Variants in CDH4 observed in about 807,000 individuals in gnomAD.
CDH4 encodes cadherin 4.
CDH4 carries 33 observed loss-of-function variants against 86.0 expected under a neutral mutation model. That is an observed-to-expected ratio of 0.38 (90% CI 0.29 to 0.51). The LOEUF is 0.51. CDH4 is among the 20% of genes least tolerant of loss of function. The probability of loss-of-function intolerance (pLI) is 0.86; values close to 1 mark genes in which losing one functional copy is unlikely to be tolerated. For missense variants in CDH4, 1,114 were observed against 1,307.4 expected, an observed-to-expected ratio of 0.85 and a Z score of 2.28; for synonymous variants, 555 against 549.4, an observed-to-expected ratio of 1.01 and a Z score of -0.14.
intron 7 of CDH4, among the ~76,000 whole-genome samples, chr20:61,880,566 C>T (rs1042411465): frequency 1.1e-4 from 16 of 152,182 alleles, no homozygotes; most frequent in African/African-American, 3.9e-4. Context: ...CACCTCCCTC[C>T]GAAACAGAGG....
At chr20:61,628,946 C>G (rs989291643) in intron 2 of CDH4, among the ~76,000 whole-genome samples, 23 of 152,352 alleles carry the variant, frequency 1.5e-4, no homozygotes, top group African/African-American at 5.1e-4. Context: ...CCTGGCCGTG[C>G]GCTGCATACA....
chr20:61,252,492 C>T lies in CDH4; in HGVS notation c.-22C>T. 1 of 1,149,916 alleles carries T rather than the reference C, an allele frequency of 8.7e-7. No homozygotes were observed. Among genetic ancestry groups the T allele is most frequent in the Non-Finnish European group, 1.1e-6 (1 of 935,882 alleles). The allele number at this position is 1,149,916 out of a possible 1,614,324, so 71.2% of individuals were successfully genotyped here. ...CAGGGAGCGGGCTCCCGGTGCCGGG[C>T]ACCGGGCGGGCGGCGGGGAAGATGA... On this transcript the variant is annotated 5_prime_UTR_variant, in exon 1 of 16. Transcript: ENST00000614565. The surrounding 1 kb of genome is among the most constrained non-coding windows in gnomAD (Gnocchi z 4.4).
At chr20:61,452,270 T>C (rs1416875361) in intron 2 of CDH4, among the ~76,000 whole-genome samples, 1 of 152,220 alleles carries the variant, frequency 6.6e-6, no homozygotes, top group East Asian at 1.9e-4. Context: ...CAGAAAATTA[T>C]ATGAGATGAT....
intron 2 of CDH4, among the ~76,000 whole-genome samples, chr20:61,296,642 T>C (rs1018271182): frequency 6.6e-6 from 1 of 152,146 alleles, no homozygotes; most frequent in Admixed American, 6.5e-5. Flanking sequence ...TTTTTTTCCA[T>C]TCTGTTCGAT....
intron 2 of CDH4, among the ~76,000 whole-genome samples, chr20:61,700,768 T>G (rs976215915): frequency 2.6e-5 from 4 of 152,212 alleles, no homozygotes; most frequent in African/African-American, 4.8e-5. Context: ...GTCTTCTTCA[T>G]GTCTGTCTTC....
intron 4 of CDH4, among the ~76,000 whole-genome samples, chr20:61,802,679 G>A (rs886448857): frequency 2.0e-5 from 3 of 152,254 alleles, no homozygotes; most frequent in Admixed American, 6.5e-5. Flanking sequence ...ATGGAGAAAA[G>A]GCAGAGCGCA....
intron 2 of CDH4, among the ~76,000 whole-genome samples, chr20:61,354,993 A>T (rs2084739716): frequency 6.6e-6 from 1 of 152,180 alleles, no homozygotes. Context: ...CCATTTTCCC[A>T]TAAAGAAAAG....
At chr20:61,599,844 C>T in intron 2 of CDH4, 1 of 985,634 alleles carries the variant, frequency 1.0e-6, no homozygotes, top group Non-Finnish European at 1.2e-6. Flanking sequence ...CTGAAGCCCG[C>T]TTCCCTTCGC....
Position 61,393,873 on chromosome 20 carries a change from G to T in CDH4, c.169+138936G>T, listed in dbSNP as rs2085000698. On this transcript the variant is annotated intron_variant, in intron 2 of 15. Coordinates refer to ENST00000614565, the MANE Select transcript of CDH4 (RefSeq NM_001794.5). The surrounding 1 kb of genome is among the most constrained non-coding windows in gnomAD (Gnocchi z 4.3). Reference sequence around the variant, plus strand: ...ATGGGCTTCTCCTCTTCTGTAAAATGGGTCTGTAACGCCCCTGGAAAAGAG... The same window carrying T: ...ATGGGCTTCTCCTCTTCTGTAAAATTGGTCTGTAACGCCCCTGGAAAAGAG... Among the ~76,000 whole-genome samples, 1 of 151,734 alleles carries T rather than the reference G, an allele frequency of 6.6e-6. No homozygotes were observed. Among genetic ancestry groups the T allele is most frequent in the South Asian group, 2.1e-4 (1 of 4,776 alleles).
chr20:61,508,954 C>T (rs549400932), intron 2 of CDH4, among the ~76,000 whole-genome samples: 17 of 152,282 alleles, frequency 1.1e-4, no homozygotes, highest in African/African-American at 4.1e-4. Context: ...TTAACATCCT[C>T]AGGGCAGGAG....
chr20:61,319,022 G>A (rs557930560), intron 2 of CDH4, among the ~76,000 whole-genome samples: 58 of 152,304 alleles, frequency 3.8e-4, no homozygotes, highest in Non-Finnish European at 7.2e-4. Context: ...ACATGATGCC[G>A]TGATAAACAG....
intron 2 of CDH4, among the ~76,000 whole-genome samples, chr20:61,595,684 A>G (rs1324767191): frequency 2.0e-5 from 3 of 152,356 alleles, no homozygotes; most frequent in Middle Eastern, 3.4e-3. Context: ...GCATGAAAGT[A>G]GCGAGGCTCG....
chr20:61,839,824 GTGTC>G (rs1002919662), intron 4 of CDH4, among the ~76,000 whole-genome samples: 2 of 151,690 alleles, frequency 1.3e-5, no homozygotes, highest in South Asian at 2.1e-4. Context: ...TGTGTGTTGT[GTGTC>G]TGTGTGTAGG....
chr20:61,603,379 C>T (rs1188051689), intron 2 of CDH4, among the ~76,000 whole-genome samples: 2 of 152,196 alleles, frequency 1.3e-5, no homozygotes, highest in African/African-American at 2.4e-5. Context: ...TGCAGAGACC[C>T]AGCTCCCTAG....
chr20:61,407,449 C>T (rs2145486986), intron 2 of CDH4, among the ~76,000 whole-genome samples: 1 of 152,294 alleles, frequency 6.6e-6, no homozygotes, highest in Admixed American at 6.5e-5. Flanking sequence ...CAAGCACTTG[C>T]AACTCTGGGA....
At chr20:61,782,089 C>G (rs1978575891) in intron 4 of CDH4, among the ~76,000 whole-genome samples, 1 of 152,120 alleles carries the variant, frequency 6.6e-6, no homozygotes, top group Non-Finnish European at 1.5e-5. Context: ...GGCAGATCAC[C>G]TGAGGTCAGG....
intron 7 of CDH4, among the ~76,000 whole-genome samples, chr20:61,887,069 T>A (rs1984576024): frequency 6.6e-6 from 1 of 152,186 alleles, no homozygotes; most frequent in African/African-American, 2.4e-5. Context: ...GGAGCTCCCA[T>A]GACCGCCTCA....
intron 3 of CDH4, among the ~76,000 whole-genome samples, chr20:61,752,329 C>CA (rs34828485): frequency 0.065 from 5,358 of 82,882 alleles, 195 homozygotes; most frequent in Non-Finnish European, 0.082. Flanking sequence ...AAAAGCCTGT[C>CA]AAAAAAAAAA....
chr20:61,687,384 C>T (rs1018041572), intron 2 of CDH4, among the ~76,000 whole-genome samples: 5 of 152,132 alleles, frequency 3.3e-5, no homozygotes, highest in East Asian at 1.9e-4. Context: ...AGCGCTGTGC[C>T]GGGAGGAATG....
Sources: gnomAD v4.1 joint callset for allele counts (sites outside exome capture counted in the v4.1 genomes callset) on GRCh38, gnomAD v4.1.1 for gene constraint, Gnocchi (gnomAD v3.1) non-coding constraint, MANE v1.5 for transcripts, NCBI Gene and HGNC (gene_info 2026-07-23, HGNC 2026-07-21) for gene names.